The following GNG2 variants were observed in gnomAD, a reference collection of about 807,000 sequenced individuals.
GNG2 encodes G protein subunit gamma 2.
A neutral mutation model predicts 5.5 loss-of-function variants in GNG2; 5 were observed. That is an observed-to-expected ratio of 0.91 (90% confidence interval 0.48 to 1.92). GNG2 has a LOEUF of 1.92. GNG2 is among the 30% of genes most tolerant of loss of function. The pLI is 0.01. For synonymous variants in GNG2, 28 were observed against 32.0 expected (o/e 0.88, Z 0.42); for missense variants, 55 against 88.4 (o/e 0.62, Z 1.52).
intron 2 of GNG2, among the ~76,000 whole-genome samples, chr14:51,893,476 T>C (rs1392538710): frequency 2.0e-5 from 3 of 152,204 alleles, no homozygotes; most frequent in Admixed American, 6.5e-5. Context: ...CCTTAGTTTA[T>C]TAGTGATAGT....
At chr14:51,946,963 A>C (rs1331251223) in intron 2 of GNG2, among the ~76,000 whole-genome samples, 2 of 152,192 alleles carry the variant, frequency 1.3e-5, no homozygotes, top group Non-Finnish European at 2.9e-5. Flanking sequence ...GCACTAATTG[A>C]TTCTAAAAGT....
chr14:51,945,272 G>A (rs962091388), intron 2 of GNG2, among the ~76,000 whole-genome samples: 2 of 152,106 alleles, frequency 1.3e-5, no homozygotes, highest in African/African-American at 4.8e-5. Context: ...GCTAAAACAT[G>A]GAACCAACCA....
intron 2 of GNG2, among the ~76,000 whole-genome samples, chr14:51,840,142 A>C (rs1881444021): frequency 6.6e-6 from 1 of 152,198 alleles, no homozygotes; most frequent in African/African-American, 2.4e-5. Flanking sequence ...TCACTGCTCC[A>C]CCTGGGTAGC....
chr14:51,875,851 G>A (rs1349359184), intron 1 of GNG2, among the ~76,000 whole-genome samples: 4 of 150,570 alleles, frequency 2.7e-5, no homozygotes, highest in African/African-American at 9.8e-5. Flanking sequence ...CTTATTTTAA[G>A]TTACTTTTTA....
chr14:51,924,500 A>G (rs1197476773), intron 2 of GNG2, among the ~76,000 whole-genome samples: 1 of 152,198 alleles, frequency 6.6e-6, no homozygotes, highest in Non-Finnish European at 1.5e-5. Flanking sequence ...AGTCTTTGCT[A>G]TTTGAAGGTA....
intron 2 of GNG2, among the ~76,000 whole-genome samples, chr14:51,893,587 C>CT (rs1884998431): frequency 6.6e-6 from 1 of 151,864 alleles, no homozygotes; most frequent in East Asian, 1.9e-4. Flanking sequence ...CTTTTTCTTT[C>CT]TTTTTTTAAA....
chr14:51,830,697 C>T (rs771983244), intron 2 of GNG2, among the ~76,000 whole-genome samples: 6 of 152,216 alleles, frequency 3.9e-5, no homozygotes, highest in African/African-American at 4.8e-5. Context: ...ATTACCACTT[C>T]GACTGTGGTC....
chr14:51,943,650 A>G (rs947348066), intron 2 of GNG2, among the ~76,000 whole-genome samples: 12 of 152,242 alleles, frequency 7.9e-5, no homozygotes, highest in Admixed American at 7.2e-4. Context: ...TAGTATGTTT[A>G]TTCACTAACA....
At chr14:51,961,203 G>A (rs1468534508) in intron 3 of GNG2, among the ~76,000 whole-genome samples, 1 of 152,150 alleles carries the variant, frequency 6.6e-6, no homozygotes, top group East Asian at 1.9e-4. Flanking sequence ...TTAATTTAAG[G>A]CAGGAGAGTT....
chr14:51,920,774 C>T (rs956641244), intron 2 of GNG2, among the ~76,000 whole-genome samples: 5 of 152,180 alleles, frequency 3.3e-5, no homozygotes, highest in Admixed American at 6.5e-5. Context: ...ACCTGTGTTA[C>T]TGCCAGTACA....
intron 2 of GNG2, among the ~76,000 whole-genome samples, chr14:51,930,188 T>C (rs1023238205): frequency 6.6e-6 from 1 of 152,202 alleles, no homozygotes; most frequent in Non-Finnish European, 1.5e-5. Context: ...ACTGTGCAAA[T>C]ATAGTCTGAA....
chr14:51,834,212 G>A (rs933886664), intron 2 of GNG2, among the ~76,000 whole-genome samples: 5 of 152,224 alleles, frequency 3.3e-5, no homozygotes, highest in African/African-American at 1.2e-4. Context: ...TTGTCTCAGA[G>A]GATTCCTGTC....
At chr14:51,905,323 T>C (rs1423317585) in intron 2 of GNG2, among the ~76,000 whole-genome samples, 1 of 152,238 alleles carries the variant, frequency 6.6e-6, no homozygotes, top group African/African-American at 2.4e-5. Flanking sequence ...GTGAGATAGC[T>C]GTGGTTTTCA....
At chr14:51,898,008 A>C (rs1594890227) in intron 2 of GNG2, among the ~76,000 whole-genome samples, 1 of 152,284 alleles carries the variant, frequency 6.6e-6, no homozygotes, top group East Asian at 1.9e-4. Flanking sequence ...TGTTCTCTAG[A>C]GGGTTCATGC....
chr14:51,873,976 T>C (rs1883475676), intron 1 of GNG2: 1 of 152,246 alleles, frequency 6.6e-6, no homozygotes. Context: ...CCAAATCTAT[T>C]ACTACTCCAG....
intron 2 of GNG2, among the ~76,000 whole-genome samples, chr14:51,900,985 A>T (rs1464091934): frequency 6.6e-6 from 1 of 152,218 alleles, no homozygotes; most frequent in Non-Finnish European, 1.5e-5. Context: ...ACCCTGCCAT[A>T]TTGACCATCT....
chr14:51,932,614 ACT>A (rs1708793859), intron 2 of GNG2, among the ~76,000 whole-genome samples: 3 of 152,210 alleles, frequency 2.0e-5, no homozygotes, highest in Admixed American at 6.5e-5. Flanking sequence ...ACAGAGGGAG[ACT>A]CTGTCTCTAA....
intron 2 of GNG2, among the ~76,000 whole-genome samples, chr14:51,935,134 C>T (rs568313338): frequency 6.6e-6 from 1 of 151,688 alleles, no homozygotes; most frequent in South Asian, 2.1e-4. Flanking sequence ...ACGCCGTTCT[C>T]CTACCTCCGC....
At chr14:51,920,647 G>C (rs1886964456) in intron 2 of GNG2, among the ~76,000 whole-genome samples, 1 of 152,148 alleles carries the variant, frequency 6.6e-6, no homozygotes, top group African/African-American at 2.4e-5. Flanking sequence ...AAATGGAAAG[G>C]TCTAGGTGAG....
Sources: allele counts gnomAD v4.1 joint callset (sites outside exome capture counted in the v4.1 genomes callset), GRCh38; gene constraint gnomAD v4.1.1; transcripts MANE v1.5; gene names NCBI Gene and HGNC (gene_info 2026-07-23, HGNC 2026-07-21).